The following CRIM1 variants were observed in gnomAD, a reference collection of about 807,000 sequenced individuals.
CRIM1 encodes the protein cysteine rich transmembrane BMP regulator 1, also known as cysteine-rich motor neuron 1 protein.
CRIM1 carries 32 observed loss-of-function variants against 116.4 expected under a neutral mutation model. That is an observed-to-expected ratio of 0.27 (90% CI 0.21 to 0.37). The LOEUF (loss-of-function observed/expected upper bound fraction) is 0.37. Ranked by LOEUF, CRIM1 falls within the 10% of genes least tolerant of loss-of-function variation. The pLI is 1.00. For synonymous variants in CRIM1, 590 were observed against 509.2 expected, an observed-to-expected ratio of 1.16 and a Z score of -2.13; for missense variants, 1,331 against 1,354.8, an observed-to-expected ratio of 0.98 and a Z score of 0.28.
intron 5 of CRIM1, among the ~76,000 whole-genome samples, chr2:36,476,310 T>G (rs1428461410): frequency 1.3e-5 from 2 of 152,198 alleles, no homozygotes; most frequent in East Asian, 3.9e-4. Flanking sequence ...CTCAGGATAA[T>G]AATACCTATG....
chr2:36,531,138 C>G (rs934647450), intron 13 of CRIM1, among the ~76,000 whole-genome samples: 10 of 152,186 alleles, frequency 6.6e-5, no homozygotes, highest in African/African-American at 2.4e-4. Context: ...TTTCAGGACT[C>G]TAAATAGTAC....
At chr2:36,380,832 G>A (rs566832772) in intron 1 of CRIM1, among the ~76,000 whole-genome samples, 11 of 152,272 alleles carry the variant, frequency 7.2e-5, no homozygotes, top group African/African-American at 1.7e-4. Context: ...CTTTAGGCCC[G>A]CCCAACTTTA....
In CRIM1 at chr2:36,547,126, G is replaced by C. The variant is rs13419534; in HGVS notation, c.2889G>C (p.Lys963Asn). 149 of 1,613,146 alleles carry C rather than the reference G, an allele frequency of 9.2e-5. No individual in the cohort carries two copies. The highest frequency in any genetic ancestry group is 1.2e-4 in the Non-Finnish European group (142 of 1,179,518). ...TAGCATTCCTATTCATCAATCAGAA[G>C]AAACAGTGGATACCACTGCTTTGCT... ...IIIAFLFINQKKQWIPLLCWY... is the reference protein window; with the variant it reads ...IIIAFLFINQNKQWIPLLCWY... Residue 963 changes from lysine (K) to asparagine (N), a missense_variant, in exon 16 of 17, where the codon AAG becomes AAC. Physicochemically the swap from Lys to Asn is moderately conservative, Grantham distance 94. Around this residue, in one of 3 missense-constraint regions of CRIM1, gnomAD observed 283 missense variants for 242.8 expected, o/e 1.17. Coordinates refer to ENST00000280527, the MANE Select transcript of CRIM1 (RefSeq NM_016441.3).
At chr2:36,449,050 T>G (rs911943328) in intron 4 of CRIM1, among the ~76,000 whole-genome samples, 3 of 151,870 alleles carry the variant, frequency 2.0e-5, no homozygotes, top group African/African-American at 4.8e-5. Context: ...TTTTTTTTCC[T>G]TAGCTTCAAG....
intron 7 of CRIM1, among the ~76,000 whole-genome samples, chr2:36,484,145 G>T (rs1256843378): frequency 6.6e-6 from 1 of 152,148 alleles, no homozygotes; most frequent in East Asian, 1.9e-4. Context: ...TCCCAGTTCA[G>T]CCCCTGAAGT....
Position 36,428,267 on chromosome 2 carries a change from T to C in CRIM1, c.506-12991T>C, listed in dbSNP as rs533257909. Among the ~76,000 whole-genome samples, 5 of 152,330 alleles carry C rather than the reference T, an allele frequency of 3.3e-5. No homozygotes were observed. The South Asian group carries it at 1.0e-3, about 32-fold the overall frequency. On this transcript the variant is annotated intron_variant, in intron 2 of 16. Transcript: ENST00000280527. ...GGTAAATGACCCTTGGGCAAGTCAT[T>C]TGGCTTTTCTAAGTCACTGTTTTCT...
chr2:36,545,261 G>A (rs566692117), intron 15 of CRIM1, among the ~76,000 whole-genome samples: 8 of 152,110 alleles, frequency 5.3e-5, no homozygotes, highest in East Asian at 1.9e-4. Flanking sequence ...TATTCTAAAC[G>A]TTATGCTTGG....
At chr2:36,529,284 C>G (rs1449090406) in intron 13 of CRIM1, 3 of 448,696 alleles carry the variant, frequency 6.7e-6, no homozygotes, top group African/African-American at 6.1e-5. Flanking sequence ...TGGACTGTGA[C>G]CAGATAAAAC....
At chr2:36,440,599 G>A (rs751173358) in intron 2 of CRIM1, among the ~76,000 whole-genome samples, 2 of 152,096 alleles carry the variant, frequency 1.3e-5, no homozygotes, top group East Asian at 1.9e-4. Flanking sequence ...GCAATGGGTC[G>A]GCAGATAATA....
intron 1 of CRIM1, among the ~76,000 whole-genome samples, chr2:36,394,480 G>A (rs950870255): frequency 1.4e-4 from 22 of 151,794 alleles, no homozygotes; most frequent in Admixed American, 6.6e-5. Flanking sequence ...TTTTCAATAT[G>A]GTGTTTTTCT....
At chr2:36,459,280 C>A (rs940295) in intron 4 of CRIM1, among the ~76,000 whole-genome samples, 44,566 of 151,956 alleles carry the variant, frequency 0.29, 7,126 homozygotes, top group African/African-American at 0.43. Flanking sequence ...GGTACCCTGG[C>A]ATCTGCATTT....
chr2:36,369,030 C>T (rs1416422674), intron 1 of CRIM1: 2 of 152,212 alleles, frequency 1.3e-5, no homozygotes, highest in African/African-American at 2.4e-5. Flanking sequence ...AATTTACTAA[C>T]CTGAGCTTTT....
chr2:36,362,081 A>G (rs1669258874), intron 1 of CRIM1, among the ~76,000 whole-genome samples: 1 of 152,096 alleles, frequency 6.6e-6, no homozygotes, highest in South Asian at 2.1e-4. Context: ...CCTCTCCAAC[A>G]TATTCTTTGC....
chr2:36,392,165 A>T (rs1420889524), intron 1 of CRIM1, among the ~76,000 whole-genome samples: 1 of 152,232 alleles, frequency 6.6e-6, no homozygotes, highest in Non-Finnish European at 1.5e-5. Context: ...TTAGCAGTTT[A>T]ATATACCTGG....
At chr2:36,465,964 C>T (rs949174449) in intron 5 of CRIM1, among the ~76,000 whole-genome samples, 2 of 151,710 alleles carry the variant, frequency 1.3e-5, no homozygotes, top group Non-Finnish European at 1.5e-5. Context: ...CGGCTCACTG[C>T]AAGCTCTGCC....
At chr2:36,440,193 C>T (rs755994793) in intron 2 of CRIM1, among the ~76,000 whole-genome samples, 2 of 152,178 alleles carry the variant, frequency 1.3e-5, no homozygotes, top group African/African-American at 2.4e-5. Flanking sequence ...GTCACTTAAG[C>T]TCTGGGGCCT....
At chr2:36,528,496 A>G (rs1451598214) in intron 13 of CRIM1, among the ~76,000 whole-genome samples, 5 of 152,194 alleles carry the variant, frequency 3.3e-5, no homozygotes, top group African/African-American at 1.2e-4. Context: ...ATTTTGGTTT[A>G]TGTTGAGAGG....
At chr2:36,541,110 G>A (rs1178849748) in intron 14 of CRIM1, among the ~76,000 whole-genome samples, 11 of 152,126 alleles carry the variant, frequency 7.2e-5, no homozygotes. Context: ...TGCCAGGAAG[G>A]CTGTATTCCT....
chr2:36,415,369 A>C (rs1237552628), intron 2 of CRIM1, among the ~76,000 whole-genome samples: 1 of 152,242 alleles, frequency 6.6e-6, no homozygotes, highest in Non-Finnish European at 1.5e-5. Context: ...CCTGGAACAC[A>C]TCAGTAAAAT....
Sources: gnomAD v4.1 joint callset for allele counts (sites outside exome capture counted in the v4.1 genomes callset) on GRCh38, gnomAD v4.1.1 for gene constraint, gnomAD v4.1.1 regional missense constraint, MANE v1.5 for transcripts, NCBI Gene and HGNC (gene_info 2026-07-23, HGNC 2026-07-21) for gene names.